Variants in CCR9 observed in about 807,000 individuals in gnomAD.
CCR9 encodes the protein C-C motif chemokine receptor 9, also known as C-C chemokine receptor type 9.
CCR9 carries 4 observed loss-of-function variants against 8.7 expected under a neutral mutation model. The ratio of observed to expected loss-of-function variants is 0.46; its 90% CI spans 0.23 to 1.06. The LOEUF (loss-of-function observed/expected upper bound fraction) is 1.06, where lower values mean the gene tolerates loss of function less well. Among genes scored for constraint, CCR9 ranks in the 50% least tolerant of loss-of-function variants. The probability of loss-of-function intolerance (pLI) is 0.21; values close to 1 mark genes in which losing one functional copy is unlikely to be tolerated. For missense variants in CCR9, 394 were observed against 453.6 expected, an observed-to-expected ratio of 0.87 and a Z score of 1.19; for synonymous variants, 159 against 168.8, an observed-to-expected ratio of 0.94 and a Z score of 0.45.
At chr3:45,894,347 C>A (rs1434043166) in intron 1 of CCR9, among the ~76,000 whole-genome samples, 1 of 152,184 alleles carries the variant, frequency 6.6e-6, no homozygotes, top group Non-Finnish European at 1.5e-5. Flanking sequence ...GCCCCAACCC[C>A]AGTGGGCACC....
intron 2 of CCR9, among the ~76,000 whole-genome samples, chr3:45,899,659 G>A (rs1029198392): frequency 6.6e-6 from 1 of 152,122 alleles, no homozygotes; most frequent in Non-Finnish European, 1.5e-5. Context: ...AGTCCTAATG[G>A]GAGCCCTCAG....
At chr3:45,886,434 G>A (rs1445621944), upstream of CCR9, 4 of 152,218 alleles carry the variant, frequency 2.6e-5, no homozygotes, top group Non-Finnish European at 4.4e-5. Flanking sequence ...CTGATTGCTG[G>A]AAGCTACACA....
intron 1 of CCR9, among the ~76,000 whole-genome samples, chr3:45,886,882 T>C (rs1464396187): frequency 6.6e-6 from 1 of 152,108 alleles, no homozygotes; most frequent in Non-Finnish European, 1.5e-5. Flanking sequence ...TTCACATACA[T>C]GAAGCTTAGG....
Position 45,901,859 on chromosome 3 carries a change from T to C in CCR9, c.1071T>C (p.Ser357=). The change falls in exon 3 of 3, where the codon TCT becomes TCC. Residue 357 remains serine (S), a synonymous_variant. Coordinates refer to ENST00000357632, the MANE Select transcript of CCR9 (RefSeq NM_031200.3). The surrounding 1 kb of genome is among the most constrained non-coding windows in gnomAD (Gnocchi z 4.3). The part of the protein sequence containing the change: ...TRREGSLKLS[S]MLLETTSGAL... ...GAGAGGGAAGCTTGAAGCTGTCGTC[T>C]ATGTTGCTGGAGACAACCTCAGGAG... 1.2e-6 allele frequency: 2 copies of C among 1,609,894 alleles called. No individual in the cohort carries two copies. Among genetic ancestry groups the C allele is most frequent in the Non-Finnish European group, 8.5e-7 (1 of 1,176,594 alleles).
At chr3:45,889,490 C>T (rs1362109598) in intron 1 of CCR9, among the ~76,000 whole-genome samples, 1 of 148,674 alleles carries the variant, frequency 6.7e-6, no homozygotes, top group East Asian at 2.0e-4. Flanking sequence ...GCTTCTTCTT[C>T]TTTTTTTTTT....
chr3:45,894,995 C>G (rs1421197775), intron 2 of CCR9, 41 bp downstream of exon 2: 1 of 1,596,672 alleles, frequency 6.3e-7, no homozygotes, highest in East Asian at 2.2e-5. Context: ...AAAACACACA[C>G]TCATCTTCCC....
chr3:45,894,345 C>A (rs576301409), intron 1 of CCR9, among the ~76,000 whole-genome samples: 1 of 152,284 alleles, frequency 6.6e-6, no homozygotes, highest in South Asian at 2.1e-4. Context: ...GGGCCCCAAC[C>A]CCAGTGGGCA....
chr3:45,893,740 C>T (rs1466976159), intron 1 of CCR9, among the ~76,000 whole-genome samples: 2 of 152,198 alleles, frequency 1.3e-5, no homozygotes, highest in Non-Finnish European at 2.9e-5. Flanking sequence ...CAGAGTAAAG[C>T]TGTAATAAAC....
In CCR9 at chr3:45,901,227, G is replaced by A; in HGVS notation, c.439G>A (p.Ala147Thr). ...IMCISVDRYI[A>T]IAQAMRAHTW... ...GTGCATCAGCGTGGACAGGTACATT[G>A]CCATTGCCCAGGCCATGAGAGCACA... The change falls in exon 3 of 3, where the codon GCC (alanine) becomes ACC (threonine). Residue 147 changes from alanine to threonine, a missense_variant. Coordinates refer to ENST00000357632, the MANE Select transcript of CCR9 (RefSeq NM_031200.3). The surrounding 1 kb of genome is among the most constrained non-coding windows in gnomAD (Gnocchi z 4.3). 1 of 1,614,180 alleles carries A rather than the reference G, an allele frequency of 6.2e-7. No individual in the cohort carries two copies. Among genetic ancestry groups the A allele is most frequent in the Non-Finnish European group, 8.5e-7 (1 of 1,180,016 alleles).
chr3:45,893,864 C>G (rs1023113417), intron 1 of CCR9, among the ~76,000 whole-genome samples: 7 of 152,156 alleles, frequency 4.6e-5, no homozygotes, highest in African/African-American at 1.7e-4. Flanking sequence ...TAAGAAACTG[C>G]CAGTTTTCCA....
At chr3:45,892,592 A>C (rs1253123993) in intron 1 of CCR9, among the ~76,000 whole-genome samples, 1 of 152,158 alleles carries the variant, frequency 6.6e-6, no homozygotes, top group African/African-American at 2.4e-5. Flanking sequence ...TGAGGATAAA[A>C]AAACTATCTA....
At chr3:45,894,805 A>G in intron 1 of CCR9, 101 bp from the exon 2 acceptor site, 1 of 821,616 alleles carries the variant, frequency 1.2e-6, no homozygotes, top group South Asian at 1.4e-5. Context: ...TTTTTTCAGA[A>G]GAATAAGCAG....
At position 45,901,994 on chromosome 3, in the gene CCR9, G is replaced by C. The variant is rs1702576227; in HGVS notation, c.*96G>C. On this transcript the variant is annotated 3_prime_UTR_variant, in exon 3 of 3. Transcript: ENST00000357632. The surrounding 1 kb of genome is among the most constrained non-coding windows in gnomAD (Gnocchi z 4.3). ...GGACCAGAGAGAGTGAAAGAGAAAA[G>C]AAAACTCAGAAAGGGATGAATCTGA... 1 of 1,033,230 alleles carries C rather than the reference G, an allele frequency of 9.7e-7. No homozygotes were observed. 64.0% of individuals were successfully genotyped at this position (1,033,230 alleles called of 1,614,324 possible).
intron 2 of CCR9, among the ~76,000 whole-genome samples, chr3:45,897,975 CAAAA>C (rs72284250): frequency 4.7e-5 from 5 of 105,988 alleles, no homozygotes; most frequent in Middle Eastern, 4.2e-3. Flanking sequence ...GCTATTTGAC[CAAAA>C]AAAAAAAAAA....
chr3:45,896,546 G>C (rs1232981495), intron 2 of CCR9, among the ~76,000 whole-genome samples: 1 of 152,220 alleles, frequency 6.6e-6, no homozygotes, highest in East Asian at 1.9e-4. Context: ...AGGAGACCGA[G>C]ACTGGGGAAG....
At chr3:45,891,124 T>C (rs1702167118) in intron 1 of CCR9, among the ~76,000 whole-genome samples, 1 of 152,244 alleles carries the variant, frequency 6.6e-6, no homozygotes. Flanking sequence ...ATTTTTCAGA[T>C]AAATGTCAGT....
Position 45,902,433 on chromosome 3 carries a change from A to T in CCR9, c.*535A>T, listed in dbSNP as rs56817174. 885 of 168,036 alleles carry T rather than the reference A, an allele frequency of 5.3e-3. 8 individuals are homozygous for T. The highest frequency in any genetic ancestry group is 0.02 in the African/African-American group (810 of 41,538). The allele number at this position is 168,036 out of a possible 1,614,324, so 10.4% of individuals were successfully genotyped here. On this transcript the variant is annotated 3_prime_UTR_variant, in exon 3 of 3. Coordinates refer to ENST00000357632, the MANE Select transcript of CCR9 (RefSeq NM_031200.3). Reference sequence around the variant, plus strand: ...CTAGAACCTTTCCAGGCAATCTCAGACCTAATTTCCTTCTGTTCTCCTTGT... The same window carrying T: ...CTAGAACCTTTCCAGGCAATCTCAGTCCTAATTTCCTTCTGTTCTCCTTGT...
rs35423527 is a variant in CCR9 at position 45,901,194 on chromosome 3, C to T, written c.406C>T (p.Leu136=). Residue 136 remains leucine, a synonymous_variant, in exon 3 of 3, where the codon CTG becomes TTG. Coordinates refer to ENST00000357632, the MANE Select transcript of CCR9 (RefSeq NM_031200.3). The surrounding 1 kb of genome is among the most constrained non-coding windows in gnomAD (Gnocchi z 4.3). ...GATGAACTTCTACAGCTGTGTGTTGCTGATCATGTGCATCAGCGTGGACAG... is the reference window on the plus strand; with the variant it reads ...GATGAACTTCTACAGCTGTGTGTTGTTGATCATGTGCATCAGCGTGGACAG... ...YKMNFYSCVL[L]IMCISVDRYI... is the part of the protein sequence containing the mutation. The T allele has an allele frequency of 1.6e-3, 2,598 of 1,614,166 alleles. 47 individuals carry two copies. In the African/African-American group the frequency reaches 0.031, roughly 19 times the overall value.
chr3:45,887,046 A>G (rs1385458721), intron 1 of CCR9, among the ~76,000 whole-genome samples: 1 of 152,192 alleles, frequency 6.6e-6, no homozygotes, highest in Non-Finnish European at 1.5e-5. Flanking sequence ...AAAACTGGAA[A>G]CAAGGAAACT....
Sources: allele counts gnomAD v4.1 joint callset (sites outside exome capture counted in the v4.1 genomes callset), GRCh38; gene constraint gnomAD v4.1.1; non-coding constraint Gnocchi (gnomAD v3.1); transcripts MANE v1.5; gene names NCBI Gene and HGNC (gene_info 2026-07-23, HGNC 2026-07-21).